DAB1: variants seen among roughly 807,000 people sequenced by gnomAD.
The protein encoded by DAB1 is DAB adaptor protein 1.
A neutral mutation model predicts 64.6 loss-of-function variants in DAB1; 15 were observed. The observed-to-expected ratio is 0.23, with a 90% CI of 0.16 to 0.36. The LOEUF (loss-of-function observed/expected upper bound fraction) is 0.36, where lower values mean the gene tolerates loss of function less well. Ranked by LOEUF, DAB1 falls within the 10% of genes least tolerant of loss-of-function variation. The probability of loss-of-function intolerance (pLI) is 1.00; values close to 1 mark genes in which losing one functional copy is unlikely to be tolerated. For missense variants in DAB1, 596 were observed against 706.7 expected (o/e 0.84, Z 1.78); for synonymous variants, 235 against 251.9 (o/e 0.93, Z 0.64).
chr1:57,212,634 TGGGATTACA>T (rs1666113389), intron 2 of DAB1, among the ~76,000 whole-genome samples: 1 of 152,134 alleles, frequency 6.6e-6, no homozygotes, highest in Admixed American at 6.5e-5. Context: ...CTCAAAGTGC[TGGGATTACA>T]GGTGTGAGCC....
At chr1:58,401,804 G>A (rs1644570432) in intron 3 of DAB1, among the ~76,000 whole-genome samples, 1 of 152,202 alleles carries the variant, frequency 6.6e-6, no homozygotes, top group African/African-American at 2.4e-5. Context: ...GATGTTAGTT[G>A]TAACTGATGT....
rs187165148 is a variant in DAB1 at position 57,119,621 on chromosome 1, T to G, written c.306+16922A>C. Among the ~76,000 whole-genome samples the G allele has an allele frequency of 6.6e-5, 10 of 152,262 alleles. No individual in the cohort carries two copies. The East Asian group carries it at 1.9e-3, about 29-fold the overall frequency. On this transcript the variant is annotated intron_variant, in intron 4 of 14. Transcript: ENST00000371236. ...CTCTTGAATGGGAACCTCTCAGAAGTGTGACAGAACTGAAGTAGCTTGAAT... is the reference window on the plus strand; with the variant it reads ...CTCTTGAATGGGAACCTCTCAGAAGGGTGACAGAACTGAAGTAGCTTGAAT...
intron 1 of DAB1, among the ~76,000 whole-genome samples, chr1:57,320,378 A>G (rs78650040): frequency 0.01 from 1,578 of 152,318 alleles, 34 homozygotes; most frequent in African/African-American, 0.036. Context: ...TTTTTTGTTT[A>G]TGTTCACTAA....
At chr1:58,171,851 C>T (rs1053031975) in intron 4 of DAB1, among the ~76,000 whole-genome samples, 1 of 152,232 alleles carries the variant, frequency 6.6e-6, no homozygotes, top group Non-Finnish European at 1.5e-5. Context: ...TCTAGCTAAT[C>T]AAGGGTACAA....
chr1:57,681,732 A>G (rs940031545), intron 6 of DAB1, among the ~76,000 whole-genome samples: 7 of 152,198 alleles, frequency 4.6e-5, no homozygotes, highest in African/African-American at 1.7e-4. Flanking sequence ...GGGAGTACTG[A>G]TTACTGATGA....
chr1:57,882,252 A>G (rs1644155907), intron 1 of DAB1, among the ~76,000 whole-genome samples: 1 of 152,220 alleles, frequency 6.6e-6, no homozygotes, highest in African/African-American at 2.4e-5. Flanking sequence ...CAGCCTGTCC[A>G]CAGGACATGA....
At chr1:57,555,776 G>T (rs1644981382) in intron 7 of DAB1, among the ~76,000 whole-genome samples, 1 of 152,136 alleles carries the variant, frequency 6.6e-6, no homozygotes, top group Admixed American at 6.5e-5. Context: ...GCCATTTTCA[G>T]TACATCACTG....
chr1:58,407,265 T>C (rs1404681264), intron 3 of DAB1, among the ~76,000 whole-genome samples: 1 of 152,174 alleles, frequency 6.6e-6, no homozygotes, highest in African/African-American at 2.4e-5. Context: ...CCAGACACCG[T>C]GGCACCCCTC....
chr1:58,126,502 T>A lies in DAB1; in HGVS notation n.387+24009A>T, dbSNP rs1196824340. ...TTAAGTTTTAGGGTACATGTGCACA[T>A]TGTGCAGGTTAGTTACATATGTATA... On this transcript the variant is annotated intron_variant and non_coding_transcript_variant, in intron 5 of 20. Transcript: ENST00000485760. 4.6e-5 allele frequency among the ~76,000 whole-genome samples: 7 copies of A among 151,738 alleles called. No individual in the cohort carries two copies. The South Asian group carries it at 1.0e-3, about 23-fold the overall frequency.
chr1:57,928,798 C>A (rs1207653109), intron 5 of DAB1, among the ~76,000 whole-genome samples: 1 of 152,108 alleles, frequency 6.6e-6, no homozygotes, highest in Non-Finnish European at 1.5e-5. Context: ...TTTTTGTTAA[C>A]ACCAAATAAT....
At chr1:57,002,081 T>C (rs908804167) in intron 14 of DAB1, among the ~76,000 whole-genome samples, 5 of 152,220 alleles carry the variant, frequency 3.3e-5, no homozygotes, top group African/African-American at 1.2e-4. Flanking sequence ...AGTTGGCAAA[T>C]AGTTGTGAAC....
At chr1:57,475,456 C>G (rs1643924533) in intron 7 of DAB1, among the ~76,000 whole-genome samples, 1 of 152,136 alleles carries the variant, frequency 6.6e-6, no homozygotes, top group South Asian at 2.1e-4. Context: ...ATGTCTGATA[C>G]CTAGAGGGTG....
intron 5 of DAB1, among the ~76,000 whole-genome samples, chr1:58,059,452 A>G (rs77127352): frequency 6.6e-6 from 1 of 152,226 alleles, no homozygotes; most frequent in African/African-American, 2.4e-5. Flanking sequence ...CTCAATAAAC[A>G]TGCTAGGTAA....
chr1:58,131,863 C>T (rs960083045), intron 5 of DAB1, among the ~76,000 whole-genome samples: 2 of 150,054 alleles, frequency 1.3e-5, no homozygotes, highest in Admixed American at 6.6e-5. Context: ...CTCTTCAAAG[C>T]TGTCAGACAG....
At chr1:57,598,456 T>C (rs1485864051) in intron 7 of DAB1, among the ~76,000 whole-genome samples, 6 of 152,260 alleles carry the variant, frequency 3.9e-5, no homozygotes. Context: ...TGTGGGTGTA[T>C]TTAAACAGTT....
intron 1 of DAB1, among the ~76,000 whole-genome samples, chr1:57,300,004 A>G (rs1673504796): frequency 6.6e-6 from 1 of 151,406 alleles, no homozygotes; most frequent in African/African-American, 2.4e-5. Context: ...CTTTTTCTCT[A>G]CCCTCTCATA....
chr1:58,442,503 C>T (rs1318161116), intron 3 of DAB1, among the ~76,000 whole-genome samples: 1 of 152,178 alleles, frequency 6.6e-6, no homozygotes, highest in Non-Finnish European at 1.5e-5. Context: ...CTAGGTATCC[C>T]TTCAGGCCTC....
intron 1 of DAB1, among the ~76,000 whole-genome samples, chr1:57,299,972 C>A (rs936295379): frequency 6.6e-6 from 1 of 152,154 alleles, no homozygotes; most frequent in African/African-American, 2.4e-5. Flanking sequence ...TCTTCTCCCA[C>A]CTCCCCTTCT....
chr1:57,997,548 T>C (rs1316048245), intron 5 of DAB1, among the ~76,000 whole-genome samples: 1 of 152,036 alleles, frequency 6.6e-6, no homozygotes, highest in African/African-American at 2.4e-5. Flanking sequence ...GGAGGCAAGG[T>C]TTGAGGTTGC....
Sources: allele counts gnomAD v4.1 joint callset (sites outside exome capture counted in the v4.1 genomes callset), GRCh38; gene constraint gnomAD v4.1.1; transcripts MANE v1.5; gene names NCBI Gene and HGNC (gene_info 2026-07-23, HGNC 2026-07-21).